CWH43: variants seen among roughly 807,000 people sequenced by gnomAD.
CWH43 encodes the protein cell wall biogenesis 43 C-terminal homolog.
In CWH43, 91 loss-of-function variants were observed where a neutral mutation model predicts 85.7. The ratio of observed to expected loss-of-function variants is 1.06; its 90% CI spans 0.90 to 1.26. The LOEUF (loss-of-function observed/expected upper bound fraction) is 1.26. Ranked by LOEUF, CWH43 falls within the 50% of genes most tolerant of loss-of-function variation. The probability of loss-of-function intolerance (pLI) is 0.00; values close to 1 mark genes in which losing one functional copy is unlikely to be tolerated. For missense variants in CWH43, 869 were observed against 839.2 expected (o/e 1.04, Z -0.44); for synonymous variants, 323 against 293.6 (o/e 1.10, Z -1.02).
chr4:48,990,508 C>A (rs1006495709), intron 2 of CWH43, among the ~76,000 whole-genome samples: 1 of 152,134 alleles, frequency 6.6e-6, no homozygotes, highest in Non-Finnish European at 1.5e-5. Flanking sequence ...TACATGCCAT[C>A]TCACTTCTGG....
chr4:48,988,475 A>G lies in CWH43; in HGVS notation c.44-2A>G, dbSNP rs766560950. ...TCTCTTTAACTTTTTTTTTTTTTGT[A>G]GGATGTGTTTCTTGGTCTCTCTACC... On this transcript the variant is annotated splice_acceptor_variant, in intron 1 of 15. Coordinates refer to ENST00000226432, the MANE Select transcript of CWH43 (RefSeq NM_025087.3). LOFTEE classifies it high-confidence loss of function. 4 of 1,528,756 alleles carry G rather than the reference A, an allele frequency of 2.6e-6. No homozygotes were observed. Among genetic ancestry groups the G allele is most frequent in the South Asian group, 2.6e-5 (2 of 77,546 alleles). The allele number at this position is 1,528,756 out of a possible 1,614,324, so 94.7% of individuals were successfully genotyped here.
chr4:49,020,968 T>A (rs1396918160), intron 9 of CWH43, among the ~76,000 whole-genome samples: 4 of 152,190 alleles, frequency 2.6e-5, no homozygotes, highest in Non-Finnish European at 4.4e-5. Context: ...CTTTGTCAGA[T>A]GTATAGATAG....
At chr4:49,014,211 G>C (rs1021659878) in intron 8 of CWH43, among the ~76,000 whole-genome samples, 1 of 152,148 alleles carries the variant, frequency 6.6e-6, no homozygotes, top group Non-Finnish European at 1.5e-5. Context: ...CCAGCACTTT[G>C]AAAGGCCAAG....
At chr4:48,996,784 C>A (rs1782828861) in intron 5 of CWH43, among the ~76,000 whole-genome samples, 1 of 152,186 alleles carries the variant, frequency 6.6e-6, no homozygotes, top group South Asian at 2.1e-4. Flanking sequence ...AACTAAACTT[C>A]AGGGGGAAAC....
chr4:49,045,773 T>TG (rs557184486), intron 14 of CWH43, among the ~76,000 whole-genome samples: 5 of 152,188 alleles, frequency 3.3e-5, no homozygotes, highest in Non-Finnish European at 7.4e-5. Context: ...ACACATTTAT[T>TG]GGGGGGGTAC....
At chr4:49,049,858 T>A (rs1252495482) in intron 14 of CWH43, among the ~76,000 whole-genome samples, 1 of 152,210 alleles carries the variant, frequency 6.6e-6, no homozygotes, top group African/African-American at 2.4e-5. Context: ...CTTCTTACAC[T>A]GCATTCACCC....
chr4:49,031,470 G>A (rs1199849261), intron 11 of CWH43, among the ~76,000 whole-genome samples: 1 of 151,854 alleles, frequency 6.6e-6, no homozygotes, highest in African/African-American at 2.4e-5. Flanking sequence ...AACAGTCAGG[G>A]TGAAGACTGA....
chr4:49,059,317 C>A (rs1366571706), intron 15 of CWH43, among the ~76,000 whole-genome samples: 1 of 151,964 alleles, frequency 6.6e-6, no homozygotes, highest in Non-Finnish European at 1.5e-5. Flanking sequence ...TTTGTGATTT[C>A]TATCTCTTTA....
chr4:49,014,097 A>G (rs1783454134), intron 8 of CWH43, among the ~76,000 whole-genome samples: 1 of 152,202 alleles, frequency 6.6e-6, no homozygotes, highest in Non-Finnish European at 1.5e-5. Flanking sequence ...GTATTTCCAA[A>G]AGAAATATCA....
rs1560508189 is a variant in CWH43 at position 49,038,124 on chromosome 4, A to T, written c.1747A>T (p.Thr583Ser). 6.2e-7 allele frequency: 1 copy of T among 1,612,132 alleles called. No homozygotes were observed. The highest frequency in any genetic ancestry group is 8.5e-7 in the Non-Finnish European group (1 of 1,178,880). The part of the protein sequence containing the change: ...SNQVIFLGYI[T>S]SAPGSRDYLQ... ...TCAAGTGATATTTCTGGGATATATC[A>T]CTTCAGCACCTGGCTCCAGAGATTA... is the stretch of plus-strand genomic sequence containing the variant. Residue 583 changes from threonine to serine, a missense_variant, in exon 13 of 16, where the codon ACT becomes TCT. Physicochemically the swap from Thr to Ser is moderately conservative, Grantham distance 58. Transcript: ENST00000226432.
intron 15 of CWH43, among the ~76,000 whole-genome samples, chr4:49,058,740 C>A (rs1185476898): frequency 6.6e-6 from 1 of 152,176 alleles, no homozygotes; most frequent in African/African-American, 2.4e-5. Flanking sequence ...ACATAGTATT[C>A]TTGGTAGGCA....
chr4:49,045,465 G>A (rs1784594912), intron 14 of CWH43, among the ~76,000 whole-genome samples: 1 of 152,080 alleles, frequency 6.6e-6, no homozygotes, highest in Non-Finnish European at 1.5e-5. Flanking sequence ...ATCTACAATG[G>A]TAGTTGATAA....
chr4:49,013,309 T>C (rs1292902707), intron 8 of CWH43, among the ~76,000 whole-genome samples: 1 of 152,252 alleles, frequency 6.6e-6, no homozygotes, highest in Non-Finnish European at 1.5e-5. Context: ...AGGCACAGGA[T>C]GGTATCTCCT....
At chr4:49,057,883 C>G (rs772544770) in intron 15 of CWH43, among the ~76,000 whole-genome samples, 1 of 152,096 alleles carries the variant, frequency 6.6e-6, no homozygotes, top group Non-Finnish European at 1.5e-5. Context: ...TCTCTTCTGA[C>G]AGTTTTTGAC....
chr4:49,001,605 G>T (rs889830338), intron 6 of CWH43, among the ~76,000 whole-genome samples: 2 of 152,046 alleles, frequency 1.3e-5, no homozygotes, highest in Non-Finnish European at 2.9e-5. Flanking sequence ...GGAACAAATG[G>T]GTTACGGGTC....
rs71600797 is a variant in CWH43 at position 49,039,306 on chromosome 4, GAT to G, written c.1803+1152_1803+1153del. Among the ~76,000 whole-genome samples the G allele has an allele frequency of 3.0e-3, 14 of 4,596 alleles. 2 individuals are homozygous for G. The highest frequency in any genetic ancestry group is 5.1e-3 in the African/African-American group (12 of 2,332). The allele number at this position is 4,596 out of a possible 152,430, so 3.0% of individuals were successfully genotyped here. On this transcript the variant is annotated intron_variant, in intron 13 of 15. Coordinates refer to ENST00000226432, the MANE Select transcript of CWH43 (RefSeq NM_025087.3). Reference sequence around the variant, plus strand: ...ACACAAATCAAATTCTCAGGAGACTGATATATATATATATATATATATATATA... The same window carrying G: ...ACACAAATCAAATTCTCAGGAGACTGATATATATATATATATATATATATA...
intron 1 of CWH43, chr4:48,986,696 G>C (rs1782506341): frequency 7.4e-7 from 1 of 1,350,242 alleles, no homozygotes; most frequent in African/African-American, 1.5e-5. Flanking sequence ...GCGCCCGCGA[G>C]AGACCCCGTC....
Position 49,050,801 on chromosome 4 carries a change from T to C in CWH43, c.1973T>C (p.Val658Ala). ...ACTAATTATAGAGACAACCAGAAAGTGGTCATAGACCACAGAGAAGTTTCT... is the reference window on the plus strand; with the variant it reads ...ACTAATTATAGAGACAACCAGAAAGCGGTCATAGACCACAGAGAAGTTTCT... The part of the protein sequence containing the change: ...DPTNYRDNQK[V>A]VIDHREVSEK... Residue 658 changes from valine to alanine, a missense_variant, in exon 15 of 16, where the codon GTG (valine) becomes GCG (alanine). By Grantham distance (64) the Val-to-Ala change is moderately conservative (BLOSUM62 0). Around this residue, in one of 3 missense-constraint regions of CWH43, gnomAD observed 577 missense variants for 513.1 expected, o/e 1.12. Coordinates refer to ENST00000226432, the MANE Select transcript of CWH43 (RefSeq NM_025087.3). 1 of 1,613,094 alleles carries C rather than the reference T, an allele frequency of 6.2e-7. No individual in the cohort carries two copies. The highest frequency in any genetic ancestry group is 8.5e-7 in the Non-Finnish European group (1 of 1,179,322).
intron 7 of CWH43, among the ~76,000 whole-genome samples, chr4:49,006,858 C>A (rs957525908): frequency 6.6e-6 from 1 of 152,176 alleles, no homozygotes; most frequent in African/African-American, 2.4e-5. Context: ...TATTGCATCC[C>A]TATGGGAGCT....
Sources: gnomAD v4.1 joint callset for allele counts (sites outside exome capture counted in the v4.1 genomes callset) on GRCh38, gnomAD v4.1.1 for gene constraint, gnomAD v4.1.1 regional missense constraint, MANE v1.5 for transcripts, NCBI Gene and HGNC (gene_info 2026-07-23, HGNC 2026-07-21) for gene names.